SLC36A1: variants seen among roughly 807,000 people sequenced by gnomAD.
The protein encoded by SLC36A1 is solute carrier family 36 member 1, also known as proton-coupled amino acid transporter 1.
Under a neutral mutation model 47.5 loss-of-function variants are expected in SLC36A1, and 30 were observed. That is an observed-to-expected ratio of 0.63 (90% CI 0.47 to 0.86). The LOEUF is 0.86. SLC36A1 is among the 40% of genes least tolerant of loss of function. The pLI is 0.00. For missense variants in SLC36A1, 517 were observed against 606.0 expected, an observed-to-expected ratio of 0.85 and a Z score of 1.54; for synonymous variants, 255 against 249.7, an observed-to-expected ratio of 1.02 and a Z score of -0.20.
chr5:151,428,213 C>T, the SLC36A1 span, among the ~76,000 whole-genome samples: 2 of 152,140 alleles, frequency 1.3e-5, no homozygotes, highest in Non-Finnish European at 2.9e-5. Context: ...ATTTTTCTGC[C>T]TCAAGTAGTA....
chr5:151,457,935 G>A (rs939028441), intron 1 of SLC36A1, among the ~76,000 whole-genome samples: 241 of 150,370 alleles, frequency 1.6e-3, no homozygotes, highest in Middle Eastern at 0.01. Context: ...CACAACCTCC[G>A]CCTCCCGGTT....
chr5:151,381,971 C>G, the SLC36A1 span: 1 of 517,728 alleles, frequency 1.9e-6, no homozygotes, highest in South Asian at 2.7e-5. Context: ...AGGTGAACCC[C>G]TTGGGGGGTT....
chr5:151,525,162 T>A, the SLC36A1 span, among the ~76,000 whole-genome samples: 7 of 152,132 alleles, frequency 4.6e-5, no homozygotes, highest in African/African-American at 1.7e-4. Flanking sequence ...AGCCCATAAG[T>A]TTACAGAATA....
the SLC36A1 span, among the ~76,000 whole-genome samples, chr5:151,346,945 C>CTACCTCTT: frequency 6.6e-6 from 1 of 152,336 alleles, no homozygotes; most frequent in East Asian, 1.9e-4. Context: ...GTTAGGGATT[C>CTACCTCTT]TACCTCTATC....
downstream of SLC36A1, among the ~76,000 whole-genome samples, chr5:151,493,771 C>G (rs577830984): frequency 6.6e-6 from 1 of 152,292 alleles, no homozygotes; most frequent in East Asian, 1.9e-4. Flanking sequence ...TCCCAAGGCG[C>G]TGGCTGCCTG....
chr5:151,385,499 A>G, the SLC36A1 span, among the ~76,000 whole-genome samples: 1 of 152,168 alleles, frequency 6.6e-6, no homozygotes, highest in Non-Finnish European at 1.5e-5. Context: ...ACAAATTCTC[A>G]TTTTCCAAAT....
At chr5:151,487,014 T>C (rs942319365) in intron 10 of SLC36A1, among the ~76,000 whole-genome samples, 1 of 152,194 alleles carries the variant, frequency 6.6e-6, no homozygotes, top group African/African-American at 2.4e-5. Flanking sequence ...ATCCCCATTT[T>C]GCCAACAAGA....
At chr5:151,554,948 A>G in the SLC36A1 span, among the ~76,000 whole-genome samples, 5 of 152,338 alleles carry the variant, frequency 3.3e-5, no homozygotes, top group Admixed American at 6.5e-5. Flanking sequence ...CCCCTGGGCC[A>G]TTTCTCAGAG....
chr5:151,490,893 G>C lies in SLC36A1; in HGVS notation c.*2639G>C, dbSNP rs1760055747. On this transcript the variant is annotated 3_prime_UTR_variant, in exon 11 of 11. Coordinates refer to ENST00000243389, the MANE Select transcript of SLC36A1 (RefSeq NM_078483.4). ...CCAGAATCTCTTATGCAGCCCAAAG[G>C]GCTTCTTGAGGTAGAGAGCCCTCCC... 2 of 152,264 alleles carry C rather than the reference G, an allele frequency of 1.3e-5. No individual in the cohort carries two copies. Among genetic ancestry groups the C allele is most frequent in the Admixed American group, 1.3e-4 (2 of 15,272 alleles). 9.4% of individuals were successfully genotyped at this position (152,264 alleles called of 1,614,324 possible). A position where few individuals can be genotyped will look rare whatever the true frequency, so the allele number is the denominator to read the frequency against.
intron 9 of SLC36A1, among the ~76,000 whole-genome samples, chr5:151,478,974 C>G (rs902369803): frequency 2.0e-5 from 3 of 152,182 alleles, no homozygotes; most frequent in African/African-American, 4.8e-5. Flanking sequence ...GGGATAGTTT[C>G]ATATCACACC....
the SLC36A1 span, among the ~76,000 whole-genome samples, chr5:151,503,816 G>A: frequency 6.6e-6 from 1 of 152,156 alleles, no homozygotes; most frequent in Non-Finnish European, 1.5e-5. Flanking sequence ...ATCACTCAGA[G>A]CCTCAGAGCC....
At chr5:151,358,440 T>C in the SLC36A1 span, among the ~76,000 whole-genome samples, 1 of 152,024 alleles carries the variant, frequency 6.6e-6, no homozygotes, top group Non-Finnish European at 1.5e-5. Flanking sequence ...GCCGGCTAAT[T>C]TTTGTAGAGA....
chr5:151,483,541 A>C (rs776149917), intron 10 of SLC36A1, among the ~76,000 whole-genome samples: 2 of 145,352 alleles, frequency 1.4e-5, no homozygotes, highest in Admixed American at 6.8e-5. Context: ...AGGGGAGAGT[A>C]GGGAGAGGGC....
chr5:151,349,925 A>G, the SLC36A1 span, among the ~76,000 whole-genome samples: 2 of 152,194 alleles, frequency 1.3e-5, no homozygotes, highest in Non-Finnish European at 2.9e-5. Flanking sequence ...GTTTGAGTCC[A>G]CTGTTCTATG....
At chr5:151,425,123 G>A in the SLC36A1 span, among the ~76,000 whole-genome samples, 1 of 152,362 alleles carries the variant, frequency 6.6e-6, no homozygotes, top group East Asian at 1.9e-4. Context: ...GAGTCAACCT[G>A]TTAATGGGGA....
chr5:151,390,443 G>A, the SLC36A1 span, among the ~76,000 whole-genome samples: 1 of 152,122 alleles, frequency 6.6e-6, no homozygotes, highest in Non-Finnish European at 1.5e-5. Flanking sequence ...GGCTTTTGTT[G>A]CCATTGCTTT....
At chr5:151,399,006 C>A in the SLC36A1 span, among the ~76,000 whole-genome samples, 3 of 149,150 alleles carry the variant, frequency 2.0e-5, no homozygotes, top group Admixed American at 6.7e-5. Flanking sequence ...ATTATATTCT[C>A]CTTCTCGCTC....
chr5:151,473,210 ATAG>A (rs1757568619), intron 7 of SLC36A1, among the ~76,000 whole-genome samples: 1 of 151,422 alleles, frequency 6.6e-6, no homozygotes, highest in African/African-American at 2.4e-5. Flanking sequence ...AGATAGATAG[ATAG>A]ATAGATAGAT....
chr5:151,385,009 A>AGAGTGTGTGT, the SLC36A1 span, among the ~76,000 whole-genome samples: 959 of 128,492 alleles, frequency 7.5e-3, 15 homozygotes, highest in African/African-American at 0.032. Flanking sequence ...AGAGAGAGAG[A>AGAGTGTGTGT]GTGTGTGTGT....
Sources: allele counts gnomAD v4.1 joint callset (sites outside exome capture counted in the v4.1 genomes callset), GRCh38; gene constraint gnomAD v4.1.1; transcripts MANE v1.5; gene names NCBI Gene and HGNC (gene_info 2026-07-23, HGNC 2026-07-21).